Variants in SHROOM4 observed in about 807,000 individuals in gnomAD.
The protein encoded by SHROOM4 is protein Shroom4.
Under a neutral mutation model 80.3 loss-of-function variants are expected in SHROOM4, and 17 were observed. The observed-to-expected ratio is 0.21, with a 90% CI of 0.14 to 0.32. SHROOM4 has a LOEUF of 0.32. SHROOM4 is among the 10% of genes least tolerant of loss of function. The pLI is 1.00. For synonymous variants in SHROOM4, 400 were observed against 437.5 expected, an observed-to-expected ratio of 0.91 and a Z score of 1.07; for missense variants, 993 against 1,140.3, an observed-to-expected ratio of 0.87 and a Z score of 1.86.
chrX:50,677,408 T>C (rs868983749), intron 2 of SHROOM4, among the ~76,000 whole-genome samples: 1 of 111,307 alleles, frequency 9.0e-6, no homozygotes, highest in East Asian at 2.8e-4. Flanking sequence ...TCAACACCGA[T>C]ATCTAGGATT....
chrX:50,631,805 T>C (rs1557254165), intron 4 of SHROOM4, among the ~76,000 whole-genome samples: 8 of 111,652 alleles, frequency 7.2e-5, no homozygotes, highest in Admixed American at 2.9e-4. Context: ...CAAATATCCC[T>C]GGTGGTTGGG....
At chrX:50,618,403 CCTTCCTTCCTTCCTTCCTTT>C (rs1569546623) in intron 5 of SHROOM4, among the ~76,000 whole-genome samples, 5 of 81,657 alleles carry the variant, frequency 6.1e-5, no homozygotes, top group African/African-American at 1.4e-4. Context: ...TTCCTTCCTT[CCTTCCTTCCTTCCTTCCTTT>C]CTTATTTTTG....
chrX:50,672,623 C>T (rs782511422), intron 2 of SHROOM4, among the ~76,000 whole-genome samples: 2 of 110,791 alleles, frequency 1.8e-5, no homozygotes, highest in Non-Finnish European at 3.8e-5. Context: ...TATACTTGAA[C>T]AAATAATACC....
chrX:50,774,946 G>C (rs1935474205), intron 1 of SHROOM4, among the ~76,000 whole-genome samples: 1 of 111,831 alleles, frequency 8.9e-6, no homozygotes. Context: ...ACATTATTTT[G>C]CCAGAATATA....
chrX:50,695,969 T>C, intron 1 of SHROOM4, 32 bp from the exon 2 acceptor site: 2 of 1,207,787 alleles, frequency 1.7e-6, no homozygotes, highest in South Asian at 3.5e-5. Flanking sequence ...AGAAAGCAGG[T>C]AGTGAGATGA....
chrX:50,696,777 C>A (rs1224556777), intron 1 of SHROOM4, among the ~76,000 whole-genome samples: 1 of 112,037 alleles, frequency 8.9e-6, no homozygotes, highest in African/African-American at 3.2e-5. Flanking sequence ...ATAGAATTTC[C>A]ACTAACCAGG....
rs2024882095 is a variant in SHROOM4 at position 50,607,574 on chromosome X, G to T, written c.3568C>A (p.His1190Asn). The change falls in exon 6 of 9, where the codon CAC becomes AAC. Residue 1190 changes from histidine to asparagine, a missense_variant. By Grantham distance (68) the His-to-Asn change is moderately conservative. Transcript: ENST00000376020. The part of the protein sequence containing the change: ...LEQPQPLSFG[H>N]LEGSRQGSQS... ...GAACCCTGTCTCGAGCCCTCCAGGT[G>T]GCCAAAGCTGAGGGGTTGTGGCTGC... 2.5e-6 allele frequency: 3 copies of T among 1,211,331 alleles called. No individual in the cohort carries two copies. Among genetic ancestry groups the T allele is most frequent in the Non-Finnish European group, 3.4e-6 (3 of 895,353 alleles).
chrX:50,812,598 G>A (rs183214742), intron 1 of SHROOM4, among the ~76,000 whole-genome samples: 9 of 111,081 alleles, frequency 8.1e-5, no homozygotes, highest in Admixed American at 2.9e-4. Flanking sequence ...GTTGCTAAGA[G>A]TGTGGGCCCC....
At chrX:50,618,277 CCCCT>C (rs1311230537) in intron 5 of SHROOM4, among the ~76,000 whole-genome samples, 878 of 44,863 alleles carry the variant, frequency 0.02, 181 homozygotes, top group Middle Eastern at 0.05. Flanking sequence ...CTCTTCTCTT[CCCCT>C]TCCTTCCTTC....
At chrX:50,810,765 T>C (rs782602927) in intron 1 of SHROOM4, among the ~76,000 whole-genome samples, 1 of 111,884 alleles carries the variant, frequency 8.9e-6, no homozygotes, top group African/African-American at 3.2e-5. Context: ...AATCAGAAAC[T>C]CTCTTAGTAG....
At position 50,593,093 on chromosome X, in the gene SHROOM4, T is replaced by C. The variant is rs1420759029; in HGVS notation, c.*3602A>G. ...GGTCTTGAAATAGATGTCTAAAAGC[T>C]GTTCCCCTAAAAAGGCTATGGCAGA... On this transcript the variant is annotated 3_prime_UTR_variant, in exon 9 of 9. Transcript: ENST00000376020. 8.9e-6 allele frequency: 1 copy of C among 112,067 alleles called. No individual in the cohort carries two copies. Among genetic ancestry groups the C allele is most frequent in the African/African-American group, 3.2e-5 (1 of 30,773 alleles). 9.2% of individuals were successfully genotyped at this position (112,067 alleles called of 1,213,427 possible). A position where few individuals can be genotyped will look rare whatever the true frequency, so the allele number is the denominator to read the frequency against.
intron 2 of SHROOM4, among the ~76,000 whole-genome samples, chrX:50,660,318 A>C (rs1315055452): frequency 3.6e-5 from 4 of 111,316 alleles, no homozygotes; most frequent in African/African-American, 9.8e-5. Context: ...AAAAGCTCTC[A>C]GTTGATGCAG....
At chrX:50,601,449 G>T (rs1365777003) in intron 7 of SHROOM4, among the ~76,000 whole-genome samples, 1 of 112,082 alleles carries the variant, frequency 8.9e-6, no homozygotes, top group African/African-American at 3.2e-5. Flanking sequence ...TTGGAGGAAG[G>T]ACTCTTGCAA....
At chrX:50,758,194 T>A (rs1260482290) in intron 1 of SHROOM4, among the ~76,000 whole-genome samples, 1 of 111,947 alleles carries the variant, frequency 8.9e-6, no homozygotes, top group Non-Finnish European at 1.9e-5. Flanking sequence ...TATCTATGAA[T>A]AAAGACAAAT....
Position 50,627,527 on chromosome X carries a change from G to A in SHROOM4, c.2957+87C>T. On this transcript the variant is annotated intron_variant, in intron 5 of 8. Coordinates refer to ENST00000376020, the MANE Select transcript of SHROOM4 (RefSeq NM_020717.5). ...TAGATACCAGGCCAGTTTCCTCAAA[G>A]GAAACTAAGCAAACCAAAGACCTTA... 3 of 880,234 alleles carry A rather than the reference G, an allele frequency of 3.4e-6. No individual in the cohort carries two copies. In the South Asian group the frequency reaches 6.0e-5, roughly 18 times the overall value. The allele number at this position is 880,234 out of a possible 1,213,427, so 72.5% of individuals were successfully genotyped here. A position where few individuals can be genotyped will look rare whatever the true frequency, so the allele number is the denominator to read the frequency against.
At chrX:50,705,127 G>A (rs1164830287) in intron 1 of SHROOM4, among the ~76,000 whole-genome samples, 1 of 111,488 alleles carries the variant, frequency 9.0e-6, no homozygotes, top group Non-Finnish European at 1.9e-5. Context: ...TACAAATCTG[G>A]GAATAAGTGA....
intron 1 of SHROOM4, among the ~76,000 whole-genome samples, chrX:50,774,673 GA>G (rs370357194): frequency 0.12 from 8,116 of 66,863 alleles, 672 homozygotes; most frequent in African/African-American, 0.3. Context: ...GAAAGATTTA[GA>G]AAAAAAAAAA....
At position 50,792,599 on chromosome X, in the gene SHROOM4, G is replaced by A. The variant is rs143980763; in HGVS notation, c.117+21303C>T. On this transcript the variant is annotated intron_variant, in intron 1 of 8. Coordinates refer to ENST00000376020, the MANE Select transcript of SHROOM4 (RefSeq NM_020717.5). ...AAGGGTTAATATCCAAAACATATAAGGAACTTATACAACTCAACAGCATAA... is the reference window on the plus strand; with the variant it reads ...AAGGGTTAATATCCAAAACATATAAAGAACTTATACAACTCAACAGCATAA... 3.2e-4 allele frequency among the ~76,000 whole-genome samples: 35 copies of A among 109,846 alleles called. No homozygotes were observed. In the East Asian group the frequency reaches 8.6e-3, roughly 27 times the overall value.
chrX:50,812,159 C>A, intron 1 of SHROOM4, among the ~76,000 whole-genome samples: 1 of 107,588 alleles, frequency 9.3e-6, no homozygotes, highest in East Asian at 3.0e-4. Flanking sequence ...ATTCTGTGGG[C>A]GGTGTGAGGA....
Sources: allele counts gnomAD v4.1 joint callset (sites outside exome capture counted in the v4.1 genomes callset), GRCh38; gene constraint gnomAD v4.1.1; transcripts MANE v1.5; gene names NCBI Gene and HGNC (gene_info 2026-07-23, HGNC 2026-07-21).